Variants in LGSN observed in about 807,000 individuals in gnomAD.
LGSN encodes the protein lengsin.
In LGSN, 21 loss-of-function variants were observed where a neutral mutation model predicts 19.5. The observed-to-expected ratio is 1.07, with a 90% CI of 0.76 to 1.55. The LOEUF is 1.55. Ranked by LOEUF, LGSN falls within the 40% of genes most tolerant of loss-of-function variation. LGSN has a pLI of 0.00. For synonymous variants in LGSN, 257 were observed against 215.6 expected (o/e 1.19, Z -1.68); for missense variants, 673 against 608.5 (o/e 1.11, Z -1.12).
the LGSN span, among the ~76,000 whole-genome samples, chr6:63,489,557 A>T: frequency 1.3e-5 from 2 of 152,146 alleles, no homozygotes; most frequent in Non-Finnish European, 2.9e-5. Context: ...TTTAGAAGAG[A>T]TGGGTTTTTA....
chr6:63,456,089 G>T, the LGSN span, among the ~76,000 whole-genome samples: 1 of 151,378 alleles, frequency 6.6e-6, no homozygotes, highest in African/African-American at 2.4e-5. Flanking sequence ...AATTAGCCAG[G>T]TCTGATGGTG....
the LGSN span, among the ~76,000 whole-genome samples, chr6:63,363,163 T>G: frequency 1.3e-4 from 20 of 150,196 alleles, no homozygotes; most frequent in Admixed American, 1.3e-4. Flanking sequence ...CTAACAAACA[T>G]AAAGGACATC....
the LGSN span, among the ~76,000 whole-genome samples, chr6:63,335,451 C>A: frequency 6.6e-6 from 1 of 151,996 alleles, no homozygotes; most frequent in African/African-American, 2.4e-5. Flanking sequence ...ACAAAAACAG[C>A]TCAACAATAA....
At chr6:63,330,745 C>T in the LGSN span, among the ~76,000 whole-genome samples, 1 of 152,300 alleles carries the variant, frequency 6.6e-6, no homozygotes, top group African/African-American at 2.4e-5. Context: ...GCTTGCTGAC[C>T]AGTAGGGAAT....
rs148942590 is a variant in LGSN at position 63,280,246 on chromosome 6, A to G, written c.1305T>C (p.Asn435=). The change falls in exon 4 of 4, where the codon AAT becomes AAC. Residue 435 remains asparagine, a synonymous_variant. Coordinates refer to ENST00000370657, the MANE Select transcript of LGSN (RefSeq NM_016571.3). ...TCTCATCTGGACCAGCCAAGACCTCATTACTGCTATGAAGTCCATCTAAGC... is the reference window on the plus strand; with the variant it reads ...TCTCATCTGGACCAGCCAAGACCTCGTTACTGCTATGAAGTCCATCTAAGC... ...AAGLDGLHSS[N]EVLAGPDEST... is the part of the protein sequence containing the mutation. 1.4e-4 allele frequency: 230 copies of G among 1,614,232 alleles called. No individual in the cohort carries two copies. Among genetic ancestry groups the G allele is most frequent in the Non-Finnish European group, 1.7e-4 (205 of 1,180,040 alleles).
chr6:63,281,161 T>C lies in LGSN; in HGVS notation c.390A>G (p.Pro130=). ...TTATGTTATTCATTTCATTGTCCTTTGGATTTGGTATCACTTCAAGATAAC... is the reference window on the plus strand; with the variant it reads ...TTATGTTATTCATTTCATTGTCCTTCGGATTTGGTATCACTTCAAGATAAC... ...PRGYLEVIPN[P]KDNEMNNIRA... is the part of the protein sequence containing the mutation. The change falls in exon 4 of 4, where the codon CCA becomes CCG. Residue 130 remains proline (P), a synonymous_variant. Transcript: ENST00000370657. 1 of 1,613,678 alleles carries C rather than the reference T, an allele frequency of 6.2e-7. No homozygotes were observed. The highest frequency in any genetic ancestry group is 8.5e-7 in the Non-Finnish European group (1 of 1,179,828).
At chr6:63,311,519 AC>A (rs1389612059) in intron 1 of LGSN, among the ~76,000 whole-genome samples, 2 of 152,142 alleles carry the variant, frequency 1.3e-5, no homozygotes, top group Admixed American at 6.6e-5. Flanking sequence ...GTCCCCACAA[AC>A]TTTTTATAAA....
chr6:63,390,044 ACT>A, the LGSN span, among the ~76,000 whole-genome samples: 1 of 150,630 alleles, frequency 6.6e-6, no homozygotes, highest in African/African-American at 2.5e-5. Context: ...AAGAGAAAAG[ACT>A]CTAATGGTCT....
the LGSN span, chr6:63,396,466 G>T: frequency 5.9e-6 from 1 of 168,710 alleles, no homozygotes; most frequent in Non-Finnish European, 1.3e-5. Flanking sequence ...CATCCTTAGG[G>T]CTCAGAGGAG....
chr6:63,515,231 T>C, the LGSN span, among the ~76,000 whole-genome samples: 1 of 152,040 alleles, frequency 6.6e-6, no homozygotes, highest in East Asian at 1.9e-4. Context: ...GTTTGTTTGT[T>C]TGTTTGTTTG....
At chr6:63,538,455 A>T in the LGSN span, among the ~76,000 whole-genome samples, 3 of 152,220 alleles carry the variant, frequency 2.0e-5, no homozygotes, top group African/African-American at 7.2e-5. Context: ...ACATAATAAA[A>T]ATTAGATTAG....
At chr6:63,460,100 C>CTTTTTTTTTTTTTTTTTTT in the LGSN span, among the ~76,000 whole-genome samples, 15 of 56,130 alleles carry the variant, frequency 2.7e-4, no homozygotes, top group South Asian at 9.3e-4. Context: ...ATTTCATTCC[C>CTTTTTTTTTTTTTTTTTTT]TTTTTTTTTT....
the LGSN span, among the ~76,000 whole-genome samples, chr6:63,432,535 C>CA: frequency 1.3e-5 from 2 of 151,234 alleles, no homozygotes; most frequent in African/African-American, 4.9e-5. Flanking sequence ...ACTAAAAATA[C>CA]AAAAAAATTA....
the LGSN span, among the ~76,000 whole-genome samples, chr6:63,471,180 G>A: frequency 6.7e-6 from 1 of 150,084 alleles, no homozygotes; most frequent in African/African-American, 2.5e-5. Flanking sequence ...GTTTTGCCAT[G>A]TTAGTCAAGC....
chr6:63,379,603 C>A, the LGSN span, among the ~76,000 whole-genome samples: 1 of 152,180 alleles, frequency 6.6e-6, no homozygotes, highest in Non-Finnish European at 1.5e-5. Flanking sequence ...AAGCAGACTA[C>A]AGCAGGTCCT....
chr6:63,494,567 G>C, the LGSN span, among the ~76,000 whole-genome samples: 5 of 152,080 alleles, frequency 3.3e-5, no homozygotes, highest in African/African-American at 9.7e-5. Context: ...ATTACTGAAA[G>C]GCACATTATC....
chr6:63,366,738 A>G, the LGSN span, among the ~76,000 whole-genome samples: 1 of 152,200 alleles, frequency 6.6e-6, no homozygotes, highest in Non-Finnish European at 1.5e-5. Flanking sequence ...GTAGCAAAAC[A>G]TAGATATAGA....
chr6:63,473,827 T>C, the LGSN span, among the ~76,000 whole-genome samples: 832 of 148,214 alleles, frequency 5.6e-3, 5 homozygotes, highest in South Asian at 0.024. Context: ...AGATTCTCTG[T>C]CTAGAAAATT....
chr6:63,467,006 GA>G, the LGSN span, among the ~76,000 whole-genome samples: 2 of 152,084 alleles, frequency 1.3e-5, no homozygotes, highest in Non-Finnish European at 2.9e-5. Context: ...AAAGCCATGA[GA>G]CTGGCTGAGT....
Sources: allele counts gnomAD v4.1 joint callset (sites outside exome capture counted in the v4.1 genomes callset), GRCh38; gene constraint gnomAD v4.1.1; transcripts MANE v1.5; gene names NCBI Gene and HGNC (gene_info 2026-07-23, HGNC 2026-07-21).